Variants in DNM3 observed in about 807,000 individuals in gnomAD.
DNM3 encodes the protein dynamin 3.
In DNM3, 47 loss-of-function variants were observed where a neutral mutation model predicts 101.6. That is an observed-to-expected ratio of 0.46 (90% CI 0.37 to 0.59). The LOEUF (loss-of-function observed/expected upper bound fraction) is 0.59, where lower values mean the gene tolerates loss of function less well. Ranked by LOEUF, DNM3 falls within the 20% of genes least tolerant of loss-of-function variation. The pLI is 0.00. For missense variants in DNM3, 849 were observed against 1,085.7 expected, an observed-to-expected ratio of 0.78 and a Z score of 3.06; for synonymous variants, 385 against 387.9, an observed-to-expected ratio of 0.99 and a Z score of 0.09.
At chr1:172,414,751 TAAAAAA>T (rs11378822), downstream of DNM3, among the ~76,000 whole-genome samples, 1 of 100,188 alleles carries the variant, frequency 1.0e-5, no homozygotes. Flanking sequence ...ACCTCATCTC[TAAAAAA>T]AAAAAAAAAA....
At chr1:172,055,578 G>C (rs963411515) in intron 10 of DNM3, among the ~76,000 whole-genome samples, 1 of 152,068 alleles carries the variant, frequency 6.6e-6, no homozygotes, top group Non-Finnish European at 1.5e-5. Context: ...CAAGTTCCAT[G>C]AGAATAAGAA....
At chr1:172,304,740 C>T (rs925149761) in intron 15 of DNM3, among the ~76,000 whole-genome samples, 25 of 152,120 alleles carry the variant, frequency 1.6e-4, no homozygotes, top group African/African-American at 3.4e-4. Context: ...CACTCAAAAC[C>T]GCTCAACTAC....
intron 1 of DNM3, among the ~76,000 whole-genome samples, chr1:171,919,484 A>G (rs2125313600): frequency 6.6e-6 from 1 of 150,990 alleles, no homozygotes; most frequent in African/African-American, 2.4e-5. Flanking sequence ...AAGGACATAA[A>G]CTCATCCTTT....
intron 14 of DNM3, among the ~76,000 whole-genome samples, chr1:172,159,045 G>A (rs1176978898): frequency 1.3e-5 from 2 of 151,856 alleles, no homozygotes; most frequent in Non-Finnish European, 2.9e-5. Flanking sequence ...ACAAATAAGG[G>A]GCAAAATGAG....
rs191697014 is a variant in DNM3 at position 172,257,935 on chromosome 1, C to T, written c.1769+4253C>T. Among the ~76,000 whole-genome samples, 388 of 151,604 alleles carry T rather than the reference C, an allele frequency of 2.6e-3. 1 individual carries two copies. Among genetic ancestry groups the T allele is most frequent in the African/African-American group, 8.8e-3 (365 of 41,366 alleles). On this transcript the variant is annotated intron_variant, in intron 15 of 20. Coordinates refer to ENST00000627582, the MANE Select transcript of DNM3 (RefSeq NM_015569.5). The stretch of plus-strand genomic sequence containing the variant: ...AAACAGACACACACACAAACACACA[C>T]ACACAAACATTATTTCCACCGTCTG...
At position 172,408,605 on chromosome 1, in the gene DNM3, G is replaced by A. The variant is rs16844417; in HGVS notation, c.*764G>A. The A allele has an allele frequency of 0.12, 115,346 of 984,580 alleles. 7,080 individuals are homozygous for A. Among genetic ancestry groups the A allele is most frequent in the Non-Finnish European group, 0.12 (102,473 of 829,322 alleles). 61.0% of individuals were successfully genotyped at this position (984,580 alleles called of 1,614,324 possible). ...AATATCACATCTCTAGAAGTGTTGG[G>A]AAAAATATAATTTCTTTCTTTACTT... On this transcript the variant is annotated 3_prime_UTR_variant, in exon 21 of 21. Coordinates refer to ENST00000627582, the MANE Select transcript of DNM3 (RefSeq NM_015569.5).
intron 14 of DNM3, among the ~76,000 whole-genome samples, chr1:172,240,322 C>A (rs1455792007): frequency 1.3e-5 from 2 of 152,044 alleles, no homozygotes; most frequent in Non-Finnish European, 2.9e-5. Context: ...TTGAGTGTTT[C>A]TTTGCCTCTT....
At chr1:172,171,288 A>G (rs2058948971) in intron 14 of DNM3, among the ~76,000 whole-genome samples, 1 of 151,716 alleles carries the variant, frequency 6.6e-6, no homozygotes, top group Non-Finnish European at 1.5e-5. Context: ...ACTTTTGGGG[A>G]CATGTAACAA....
At chr1:172,373,695 T>G (rs1324772739) in intron 17 of DNM3, among the ~76,000 whole-genome samples, 2 of 152,040 alleles carry the variant, frequency 1.3e-5, no homozygotes, top group African/African-American at 2.4e-5. Flanking sequence ...GATAGTTTTG[T>G]TTTTTTGTAC....
intron 2 of DNM3, among the ~76,000 whole-genome samples, chr1:171,951,376 A>T (rs1226990465): frequency 6.6e-6 from 1 of 152,166 alleles, no homozygotes; most frequent in Non-Finnish European, 1.5e-5. Flanking sequence ...TTGAAATAGG[A>T]GCCAAACTTT....
At chr1:171,919,157 A>T (rs1344201913) in intron 1 of DNM3, among the ~76,000 whole-genome samples, 1 of 150,678 alleles carries the variant, frequency 6.6e-6, no homozygotes. Flanking sequence ...CCTGACTTAA[A>T]TTTTTTTTAT....
chr1:172,074,839 G>A (rs1226724627), intron 11 of DNM3, among the ~76,000 whole-genome samples: 1 of 152,184 alleles, frequency 6.6e-6, no homozygotes. Flanking sequence ...CCAGTAATGG[G>A]ACTGCTGCGT....
intron 17 of DNM3, among the ~76,000 whole-genome samples, chr1:172,338,586 T>G (rs1440577072): frequency 6.6e-6 from 1 of 151,482 alleles, no homozygotes; most frequent in African/African-American, 2.4e-5. Context: ...ATTTCCTCAT[T>G]GAAAACGACT....
intron 15 of DNM3, among the ~76,000 whole-genome samples, chr1:172,284,667 A>G (rs2063627852): frequency 6.6e-6 from 1 of 152,084 alleles, no homozygotes; most frequent in Admixed American, 6.5e-5. Context: ...TTGTCCTTCC[A>G]TTTTCTTCTA....
chr1:172,269,573 C>T (rs936595172), intron 15 of DNM3, among the ~76,000 whole-genome samples: 1 of 152,100 alleles, frequency 6.6e-6, no homozygotes. Context: ...CAAATGATTG[C>T]TAGGCTTTGT....
intron 2 of DNM3, among the ~76,000 whole-genome samples, chr1:171,959,505 T>A (rs1377651991): frequency 2.0e-5 from 3 of 152,096 alleles, no homozygotes; most frequent in Non-Finnish European, 4.4e-5. Flanking sequence ...CTGCAGCTTG[T>A]GGGGGAAAAT....
At chr1:171,862,661 G>T (rs1183091064) in intron 1 of DNM3, among the ~76,000 whole-genome samples, 1 of 151,994 alleles carries the variant, frequency 6.6e-6, no homozygotes, top group African/African-American at 2.4e-5. Context: ...TAGAGATGGT[G>T]TTTTATAATA....
chr1:172,372,604 T>A (rs1476751653), intron 17 of DNM3, among the ~76,000 whole-genome samples: 2 of 109,956 alleles, frequency 1.8e-5, no homozygotes, highest in African/African-American at 5.7e-5. Context: ...TATATTTAAT[T>A]AGATAGATAA....
At chr1:171,842,359 T>G (rs907799803) in intron 1 of DNM3, among the ~76,000 whole-genome samples, 9 of 152,104 alleles carry the variant, frequency 5.9e-5, no homozygotes, top group Admixed American at 6.5e-5. Context: ...CTGTCTACTG[T>G]TGCCTGCCTC....
Sources: gnomAD v4.1 joint callset for allele counts (sites outside exome capture counted in the v4.1 genomes callset) on GRCh38, gnomAD v4.1.1 for gene constraint, MANE v1.5 for transcripts, NCBI Gene and HGNC (gene_info 2026-07-23, HGNC 2026-07-21) for gene names.